Variants in SON observed in about 807,000 individuals in gnomAD.
SON encodes the protein SON DNA and RNA binding protein, also known as protein SON.
In SON, 4 loss-of-function variants were observed where a neutral mutation model predicts 173.3. The observed-to-expected ratio is 0.02, with a 90% CI of 0.01 to 0.05. The LOEUF (loss-of-function observed/expected upper bound fraction) is 0.05, where lower values mean the gene tolerates loss of function less well. Among genes scored for constraint, SON ranks in the 10% least tolerant of loss-of-function variants. The pLI, the probability that SON is intolerant of heterozygous loss-of-function variation, is 1.00. For synonymous variants in SON, 1,190 were observed against 1,105.9 expected, an observed-to-expected ratio of 1.08 and a Z score of -1.51; for missense variants, 2,626 against 3,055.3, an observed-to-expected ratio of 0.86 and a Z score of 3.31.
chr21:33,552,831 A>G lies in SON; in HGVS notation c.3600A>G (p.Pro1200=), dbSNP rs754474073. ...TAENTWPTEV[P]SSPSEESVSQ... is the part of the protein sequence containing the mutation. ...AAAATACTTGGCCTACAGAGGTGCCATCATCACCATCTGAAGAGTCTGTAT... is the reference window on the plus strand; with the variant it reads ...AAAATACTTGGCCTACAGAGGTGCCGTCATCACCATCTGAAGAGTCTGTAT... Residue 1200 remains proline (P), a synonymous_variant, in exon 3 of 12, where the codon CCA becomes CCG. Coordinates refer to ENST00000356577, the MANE Select transcript of SON (RefSeq NM_138927.4). The surrounding 1 kb of genome is among the most constrained non-coding windows in gnomAD (Gnocchi z 5.6). 6.8e-6 allele frequency: 11 copies of G among 1,613,634 alleles called. No homozygotes were observed. Among genetic ancestry groups the G allele is most frequent in the Non-Finnish European group, 9.3e-6 (11 of 1,179,622 alleles).
Position 33,550,347 on chromosome 21 carries a change from G to A in SON, c.1116G>A (p.Leu372=), listed in dbSNP as rs147192315. The A allele has an allele frequency of 1.4e-5, 22 of 1,614,164 alleles. No homozygotes were observed. The African/African-American group carries it at 2.4e-4, about 18-fold the overall frequency. ...PELPKTTALE[L]QESSVASAME... Reference sequence around the variant, plus strand: ...TGCCTAAGACCACAGCGTTGGAGCTGCAGGAGTCGTCGGTGGCCTCAGCGA... The same window carrying A: ...TGCCTAAGACCACAGCGTTGGAGCTACAGGAGTCGTCGGTGGCCTCAGCGA... The change falls in exon 3 of 12, where the codon CTG becomes CTA. Residue 372 remains leucine, a synonymous_variant. Coordinates refer to ENST00000356577, the MANE Select transcript of SON (RefSeq NM_138927.4).
In SON at chr21:33,559,637, A is replaced by G. The variant is rs1216073600; in HGVS notation, c.6519A>G (p.Lys2173=). 6.2e-7 allele frequency: 1 copy of G among 1,613,922 alleles called. No homozygotes were observed. Among genetic ancestry groups the G allele is most frequent in the South Asian group, 1.1e-5 (1 of 90,992 alleles). The change falls in exon 6 of 12, where the codon AAA becomes AAG. Residue 2173 remains lysine (K), a synonymous_variant. Coordinates refer to ENST00000356577, the MANE Select transcript of SON (RefSeq NM_138927.4). This position sits in a 1 kb window ranked among gnomAD's most constrained non-coding sequence, Gnocchi z 4.1. ...TPPKSQVTLT[K]EFPVSSGSQH... is the part of the protein sequence containing the mutation. ...CAAAAAGCCAGGTAACATTAACAAAAGAATTCCCTGTATCATCTGGATCTC... is the reference window on the plus strand; with the variant it reads ...CAAAAAGCCAGGTAACATTAACAAAGGAATTCCCTGTATCATCTGGATCTC...
At chr21:33,549,075 T>C (rs1327307668) in intron 2 of SON, among the ~76,000 whole-genome samples, 2 of 150,722 alleles carry the variant, frequency 1.3e-5, no homozygotes, top group African/African-American at 4.9e-5. Context: ...GGTGTTATAC[T>C]GTGGGGTTTT....
chr21:33,559,497 TATC>T lies in SON; in HGVS notation c.6469-87_6469-85del. 6.9e-7 allele frequency: 1 copy of T among 1,454,840 alleles called. No individual in the cohort carries two copies. Among genetic ancestry groups the T allele is most frequent in the South Asian group, 1.3e-5 (1 of 74,840 alleles). The allele number at this position is 1,454,840 out of a possible 1,614,324, so 90.1% of individuals were successfully genotyped here. A position where few individuals can be genotyped will look rare whatever the true frequency, so the allele number is the denominator to read the frequency against. Reference sequence around the variant, plus strand: ...AAATACTGTGAGAAATAATGGATAATATCATTTCCTTCAGATTATGTAGAAAAT... The same window carrying T: ...AAATACTGTGAGAAATAATGGATAATATTTCCTTCAGATTATGTAGAAAAT... On this transcript the variant is annotated intron_variant, in intron 5 of 11. Transcript: ENST00000356577. The surrounding 1 kb of genome is among the most constrained non-coding windows in gnomAD (Gnocchi z 4.1).
rs542707619 is a variant in SON at position 33,547,232 on chromosome 21, T to TTGGCCTCCCAAAGTGCTGGGA, written c.244+855_244+875dup. ...CTCTTGACCTCATGATCCGCACACC[T>TTGGCCTCCCAAAGTGCTGGGA]TGGCCTCCCAAAGTGCTGGGATTAC... On this transcript the variant is annotated intron_variant, in intron 2 of 11. Transcript: ENST00000356577. Among the ~76,000 whole-genome samples, 75 of 152,306 alleles carry TTGGCCTCCCAAAGTGCTGGGA rather than the reference T, an allele frequency of 4.9e-4. No homozygotes were observed. In the South Asian group the frequency reaches 0.015, roughly 31 times the overall value.
Position 33,549,741 on chromosome 21 carries a change from T to G in SON, c.510T>G (p.Pro170=). Residue 170 remains proline (P), a synonymous_variant, in exon 3 of 12, where the codon CCT becomes CCG. Transcript: ENST00000356577. ...CTTCAGCTGTGGCGCTGGAGCTTCC[T>G]ACAAGAGCATTTGGCCCATCTGAGA... ...SEPSAVALEL[P]TRAFGPSETN... is the part of the protein sequence containing the mutation. The G allele has an allele frequency of 6.2e-7, 1 of 1,614,156 alleles. No individual in the cohort carries two copies. The highest frequency in any genetic ancestry group is 8.5e-7 in the Non-Finnish European group (1 of 1,180,032).
rs1039152635 is a variant in SON, at chr21:33,550,181, A to T, written c.950A>T (p.Tyr317Phe). The T allele has an allele frequency of 1.2e-6, 2 of 1,614,216 alleles. No individual in the cohort carries two copies. The highest frequency in any genetic ancestry group is 2.2e-5 in the East Asian group (1 of 44,894). Residue 317 changes from tyrosine to phenylalanine, a missense_variant, in exon 3 of 12, where the codon TAC (tyrosine) becomes TTC (phenylalanine). Tyr to Phe is a conservative substitution (Grantham distance 22). Transcript: ENST00000356577. ...TCATCAGAGACACCTACTGAGGTGT[A>T]CCCTGAGCCAAGCACATCAACAACA... ...VVSSETPTEV[Y>F]PEPSTSTTMD...
At position 33,552,043 on chromosome 21, in the gene SON, G is replaced by C; in HGVS notation, c.2812G>C (p.Gly938Arg). The change falls in exon 3 of 12, where the codon GGT (glycine) becomes CGT (arginine). Residue 938 changes from glycine to arginine, a missense_variant. Around this residue, in one of 13 missense-constraint regions of SON, gnomAD observed 366 missense variants for 448.6 expected, o/e 0.82. Coordinates refer to ENST00000356577, the MANE Select transcript of SON (RefSeq NM_138927.4). The surrounding 1 kb of genome is among the most constrained non-coding windows in gnomAD (Gnocchi z 5.6). ...GTTGGGCCATGACCCCTATAGATTA[G>C]GTCATGATGCTTACAGGTTAGGACA... is the stretch of plus-strand genomic sequence containing the variant. ...YRLGHDPYRLGHDAYRLGQDP... is the reference protein window; with the variant it reads ...YRLGHDPYRLRHDAYRLGQDP... The C allele has an allele frequency of 6.2e-7, 1 of 1,614,070 alleles. No individual in the cohort carries two copies. Among genetic ancestry groups the C allele is most frequent in the Non-Finnish European group, 8.5e-7 (1 of 1,179,984 alleles).
intron 1 of SON, chr21:33,543,574 A>G (rs921315190): frequency 1.2e-5 from 3 of 257,578 alleles, no homozygotes; most frequent in Non-Finnish European, 2.3e-5. Flanking sequence ...GCCGGTGCCT[A>G]TGACCGGAAA....
chr21:33,549,264 G>A (rs1425849112), intron 2 of SON, among the ~76,000 whole-genome samples: 1 of 151,964 alleles, frequency 6.6e-6, no homozygotes, highest in Non-Finnish European at 1.5e-5. Context: ...TAGTAGAGAT[G>A]GGGTTTCACC....
chr21:33,566,291 C>A (rs2086169948), intron 6 of SON, among the ~76,000 whole-genome samples: 1 of 151,944 alleles, frequency 6.6e-6, no homozygotes, highest in African/African-American at 2.4e-5. Flanking sequence ...AAAATCAACT[C>A]GAGCTTTTAA....
At chr21:33,546,161 T>A (rs956773048) in intron 1 of SON, 52 bp from the exon 2 acceptor site, 37 of 1,466,168 alleles carry the variant, frequency 2.5e-5, no homozygotes, top group African/African-American at 2.9e-5. Flanking sequence ...TGGATTTTTT[T>A]ATTAATGGTA....
intron 7 of SON, among the ~76,000 whole-genome samples, 161 bp from the exon 8 acceptor site, chr21:33,568,810 A>G (rs1483896414): frequency 6.6e-6 from 1 of 152,262 alleles, no homozygotes; most frequent in East Asian, 1.9e-4. Flanking sequence ...AAATGTTGTC[A>G]AACTGCTTCT....
In SON at chr21:33,559,400, G is replaced by A; in HGVS notation, c.6468+24G>A. 6.4e-7 allele frequency: 1 copy of A among 1,574,424 alleles called. No individual in the cohort carries two copies. Among genetic ancestry groups the A allele is most frequent in the Non-Finnish European group, 8.6e-7 (1 of 1,164,916 alleles). ...ATGTGAGTATTAGTGCTTATGGATT[G>A]GTAAAACAGTGTAACTTGTGGAACT... On this transcript the variant is annotated intron_variant, in intron 5 of 11. Coordinates refer to ENST00000356577, the MANE Select transcript of SON (RefSeq NM_138927.4). The surrounding 1 kb of genome is among the most constrained non-coding windows in gnomAD (Gnocchi z 4.1).
In SON at chr21:33,552,764, A is replaced by G; in HGVS notation, c.3533A>G (p.Glu1178Gly). ...CCATTGCCTCCTGAGGAACCACCAG[A>G]GGGTCCAGCATTGCCCACTGAGCAG... ...TPPLPPEEPP[E>G]GPALPTEQSA... is the part of the protein sequence containing the mutation. Residue 1178 changes from glutamate (E) to glycine (G), a missense_variant, in exon 3 of 12, where the codon GAG becomes GGG. Physicochemically the swap from Glu to Gly is moderately conservative, Grantham distance 98. Transcript: ENST00000356577. The surrounding 1 kb of genome is among the most constrained non-coding windows in gnomAD (Gnocchi z 5.6). 2 of 1,613,890 alleles carry G rather than the reference A, an allele frequency of 1.2e-6. No homozygotes were observed. Among genetic ancestry groups the G allele is most frequent in the Non-Finnish European group, 1.7e-6 (2 of 1,180,016 alleles).
intron 2 of SON, among the ~76,000 whole-genome samples, chr21:33,547,511 C>T (rs960272286): frequency 6.6e-6 from 1 of 151,966 alleles, no homozygotes; most frequent in Non-Finnish European, 1.5e-5. Flanking sequence ...GTTGGTTTGT[C>T]CTCTTTTTTG....
Position 33,555,388 on chromosome 21 carries a change from T to G in SON, c.6157T>G (p.Leu2053Val). 6.6e-7 allele frequency: 1 copy of G among 1,511,014 alleles called. No individual in the cohort carries two copies. Among genetic ancestry groups the G allele is most frequent in the Non-Finnish European group, 8.9e-7 (1 of 1,124,590 alleles). 93.6% of individuals were successfully genotyped at this position (1,511,014 alleles called of 1,614,324 possible). A position where few individuals can be genotyped will look rare whatever the true frequency, so the allele number is the denominator to read the frequency against. ...RGRSPKRLTD[L>V]DKAQLLEIAK... ...CAGATCACCCAAACGTCTGACAGAT[T>G]TGGGTGAGTCATTTTAAAGTTTAAT... Residue 2053 changes from leucine (L) to valine (V), a missense_variant, in exon 3 of 12, where the codon TTG becomes GTG. By Grantham distance (32) the Leu-to-Val change is conservative (BLOSUM62 1). Transcript: ENST00000356577.
intron 6 of SON, among the ~76,000 whole-genome samples, chr21:33,561,266 CA>C (rs2086065832): frequency 6.6e-6 from 1 of 152,168 alleles, no homozygotes; most frequent in Non-Finnish European, 1.5e-5. Context: ...GTTAATCCCC[CA>C]ATCAGGCTAC....
rs1209005670 is a variant in SON at position 33,552,551 on chromosome 21, A to C, written c.3320A>C (p.Tyr1107Ser). The C allele has an allele frequency of 1.2e-6, 2 of 1,613,750 alleles. No individual in the cohort carries two copies. The highest frequency in any genetic ancestry group is 1.7e-6 in the Non-Finnish European group (2 of 1,179,980). ...SAADRSMMSS[Y>S]SAADRSMMSS... is the part of the protein sequence containing the mutation. ...GCTGACCGGTCTATGATGTCATCGT[A>C]CTCTGCAGCTGACCGATCTATGATG... Residue 1107 changes from tyrosine to serine, a missense_variant, in exon 3 of 12, where the codon TAC becomes TCC. Tyr to Ser is a moderately radical substitution (Grantham distance 144, BLOSUM62 -2). Coordinates refer to ENST00000356577, the MANE Select transcript of SON (RefSeq NM_138927.4). This position sits in a 1 kb window ranked among gnomAD's most constrained non-coding sequence, Gnocchi z 5.6.
Sources: gnomAD v4.1 joint callset for allele counts (sites outside exome capture counted in the v4.1 genomes callset) on GRCh38, gnomAD v4.1.1 for gene constraint, gnomAD v4.1.1 regional missense constraint, Gnocchi (gnomAD v3.1) non-coding constraint, MANE v1.5 for transcripts, NCBI Gene and HGNC (gene_info 2026-07-23, HGNC 2026-07-21) for gene names.